The following TENM3 variants were observed in gnomAD, a reference collection of about 807,000 sequenced individuals.
The protein encoded by TENM3 is teneurin transmembrane protein 3, also known as teneurin-3.
A neutral mutation model predicts 255.1 loss-of-function variants in TENM3; 63 were observed. That is an observed-to-expected ratio of 0.25 (90% confidence interval 0.20 to 0.30). The LOEUF is 0.30. Among genes scored for constraint, TENM3 ranks in the 10% least tolerant of loss-of-function variants. The pLI is 1.00. For synonymous variants in TENM3, 1,306 were observed against 1,322.3 expected (o/e 0.99, Z 0.27); for missense variants, 2,929 against 3,461.1 (o/e 0.85, Z 3.86).
the TENM3 span, among the ~76,000 whole-genome samples, chr4:181,612,490 A>ATGTGTGTGTGTGTGTGTGTGTG: frequency 1.3e-5 from 2 of 148,344 alleles, no homozygotes; most frequent in African/African-American, 2.5e-5. Context: ...TTTGGTTAAG[A>ATGTGTGTGTGTGTGTGTGTGTG]TGTGTGTGTG....
intron 3 of TENM3, among the ~76,000 whole-genome samples, chr4:182,353,571 A>T (rs73869950): frequency 2.5e-3 from 379 of 152,360 alleles, no homozygotes; most frequent in African/African-American, 8.5e-3. Flanking sequence ...TACAATTTCA[A>T]TAGTGACTTG....
At chr4:181,645,897 T>A in the TENM3 span, among the ~76,000 whole-genome samples, 1 of 152,366 alleles carries the variant, frequency 6.6e-6, no homozygotes, top group Non-Finnish European at 1.5e-5. Flanking sequence ...ACATCGTTTT[T>A]TGTCTTTTAA....
At position 182,799,471 on chromosome 4, in the gene TENM3, G is replaced by C. The variant is rs1766737205; in HGVS notation, c.7345-125G>C. ...CTCCACCCGGGCTGTCAGCCTTCTGGTCAGGGAAGGACCCCGGGGCTTCCA... is the reference window on the plus strand; with the variant it reads ...CTCCACCCGGGCTGTCAGCCTTCTGCTCAGGGAAGGACCCCGGGGCTTCCA... On this transcript the variant is annotated intron_variant, in intron 27 of 27. Transcript: ENST00000511685. The surrounding 1 kb of genome is among the most constrained non-coding windows in gnomAD (Gnocchi z 4.2). 2 of 1,276,090 alleles carry C rather than the reference G, an allele frequency of 1.6e-6. No individual in the cohort carries two copies. The highest frequency in any genetic ancestry group is 2.1e-6 in the Non-Finnish European group (2 of 951,320). 79.0% of individuals were successfully genotyped at this position (1,276,090 alleles called of 1,614,324 possible). A position where few individuals can be genotyped will look rare whatever the true frequency, so the allele number is the denominator to read the frequency against.
chr4:181,457,421 T>G, the TENM3 span, among the ~76,000 whole-genome samples: 1 of 151,782 alleles, frequency 6.6e-6, no homozygotes, highest in Non-Finnish European at 1.5e-5. Context: ...TTATTCTCTC[T>G]CCTTCTTGGT....
At chr4:181,546,727 AAAGAAG>A in the TENM3 span, among the ~76,000 whole-genome samples, 1 of 117,910 alleles carries the variant, frequency 8.5e-6, no homozygotes, top group Non-Finnish European at 1.8e-5. Context: ...AAAAAAAAAA[AAAGAAG>A]AAGAAGAAGA....
At chr4:182,537,432 T>C (rs1026323677) in intron 3 of TENM3, among the ~76,000 whole-genome samples, 2 of 152,236 alleles carry the variant, frequency 1.3e-5, no homozygotes, top group Admixed American at 1.3e-4. Flanking sequence ...ACCAATTGTT[T>C]GCACCAGCTA....
At chr4:182,194,609 T>A (rs1282643264) in intron 1 of TENM3, among the ~76,000 whole-genome samples, 2 of 152,206 alleles carry the variant, frequency 1.3e-5, no homozygotes, top group African/African-American at 4.8e-5. Flanking sequence ...GTGATCTTTT[T>A]TTAACTCATA....
chr4:182,374,718 A>C (rs531354350), intron 3 of TENM3, among the ~76,000 whole-genome samples: 3 of 152,140 alleles, frequency 2.0e-5, no homozygotes, highest in Non-Finnish European at 4.4e-5. Context: ...TACTTCTTCA[A>C]ATTTCTTCCT....
rs1346702592 is a variant in TENM3 at position 182,175,039 on chromosome 4, G to A, written c.-76+30285G>A. The stretch of plus-strand genomic sequence containing the variant: ...TGCAATCTGTTCTCTGGGTTTGCAG[G>A]TGTGAGGATTAAATACGTCCAGGCA... On this transcript the variant is annotated intron_variant, in intron 1 of 2. Coordinates refer to the TENM3 transcript ENST00000512480. 2.6e-5 allele frequency among the ~76,000 whole-genome samples: 4 copies of A among 152,228 alleles called. 1 individual carries two copies. The South Asian group carries it at 8.3e-4, about 32-fold the overall frequency.
At chr4:182,463,780 T>A (rs1308444729) in intron 3 of TENM3, among the ~76,000 whole-genome samples, 1 of 151,976 alleles carries the variant, frequency 6.6e-6, no homozygotes, top group Middle Eastern at 3.2e-3. Context: ...TGCGCCACCA[T>A]GCCCAGCTAA....
intron 13 of TENM3, among the ~76,000 whole-genome samples, chr4:182,714,918 CTTG>C (rs907646588): frequency 2.6e-5 from 4 of 152,152 alleles, no homozygotes; most frequent in African/African-American, 9.7e-5. Flanking sequence ...GAGTTTCGCT[CTTG>C]TTGCCCAGGC....
chr4:182,768,377 C>T (rs1763897658), intron 22 of TENM3, among the ~76,000 whole-genome samples: 1 of 152,120 alleles, frequency 6.6e-6, no homozygotes, highest in African/African-American at 2.4e-5. Context: ...AGGCTGTTGA[C>T]ATTGGGTTGG....
At chr4:182,741,368 G>C (rs1425250493) in intron 18 of TENM3, among the ~76,000 whole-genome samples, 1 of 152,200 alleles carries the variant, frequency 6.6e-6, no homozygotes, top group Non-Finnish European at 1.5e-5. Context: ...GCTATAGAAA[G>C]ACATGAAGGA....
chr4:182,061,921 CACTCCAGCCTGG>C, the TENM3 span, among the ~76,000 whole-genome samples: 1 of 152,148 alleles, frequency 6.6e-6, no homozygotes, highest in African/African-American at 2.4e-5. Context: ...TGCACCCCTG[CACTCCAGCCTGG>C]GTGACAGAGC....
the TENM3 span, among the ~76,000 whole-genome samples, chr4:182,063,922 T>C: frequency 6.6e-6 from 1 of 152,150 alleles, no homozygotes; most frequent in Non-Finnish European, 1.5e-5. Flanking sequence ...AAGGAAGGCA[T>C]TCATGGAGTT....
chr4:181,475,858 T>C, the TENM3 span, among the ~76,000 whole-genome samples: 1 of 152,218 alleles, frequency 6.6e-6, no homozygotes, highest in Non-Finnish European at 1.5e-5. Flanking sequence ...ACTTAAAACA[T>C]TTCTACCCCC....
At chr4:181,583,429 T>C in the TENM3 span, among the ~76,000 whole-genome samples, 1 of 152,144 alleles carries the variant, frequency 6.6e-6, no homozygotes, top group East Asian at 1.9e-4. Flanking sequence ...ATTTTATACC[T>C]CTCATCCGGA....
chr4:182,092,774 A>C, the TENM3 span, among the ~76,000 whole-genome samples: 1 of 152,246 alleles, frequency 6.6e-6, no homozygotes, highest in Admixed American at 6.5e-5. Flanking sequence ...GGTAGAAATG[A>C]AATCTTTAGT....
intron 1 of TENM3, among the ~76,000 whole-genome samples, chr4:182,243,946 CTTTTTTTTTTTTT>C (rs967487689): frequency 8.2e-5 from 6 of 72,882 alleles, no homozygotes; most frequent in African/African-American, 1.7e-4. Flanking sequence ...TTTGTGTTTT[CTTTTTTTTTTTTT>C]TTTTTTTTTT....
Sources: allele counts gnomAD v4.1 joint callset (sites outside exome capture counted in the v4.1 genomes callset), GRCh38; gene constraint gnomAD v4.1.1; non-coding constraint Gnocchi (gnomAD v3.1); transcripts MANE v1.5; gene names NCBI Gene and HGNC (gene_info 2026-07-23, HGNC 2026-07-21).